The following MACF1 variants were observed in gnomAD, a reference collection of about 807,000 sequenced individuals.
MACF1 encodes the protein microtubule actin crosslinking factor 1.
Under a neutral mutation model 854.8 loss-of-function variants are expected in MACF1, and 193 were observed. The ratio of observed to expected loss-of-function variants is 0.23; its 90% CI spans 0.20 to 0.25. MACF1 has a LOEUF of 0.25. MACF1 is among the 10% of genes least tolerant of loss of function. MACF1 has a pLI of 1.00. For synonymous variants in MACF1, 3,185 were observed against 3,226.7 expected, an observed-to-expected ratio of 0.99 and a Z score of 0.44; for missense variants, 7,722 against 8,929.1, an observed-to-expected ratio of 0.86 and a Z score of 5.45.
chr1:39,399,164 G>A (rs1040987545), intron 58 of MACF1, among the ~76,000 whole-genome samples: 9 of 152,006 alleles, frequency 5.9e-5, no homozygotes, highest in African/African-American at 2.2e-4. Flanking sequence ...AAAGCAATTC[G>A]AAGGCCATCT....
At chr1:39,195,406 CA>C (rs1300300694) in intron 2 of MACF1, among the ~76,000 whole-genome samples, 1 of 152,188 alleles carries the variant, frequency 6.6e-6, no homozygotes, top group African/African-American at 2.4e-5. Flanking sequence ...GCTCATTCCA[CA>C]AATAGTTATT....
intron 86 of MACF1, 37 bp from the exon 87 acceptor site, chr1:39,452,647 A>C: frequency 6.2e-7 from 1 of 1,611,516 alleles, no homozygotes; most frequent in Non-Finnish European, 8.5e-7. Context: ...CCTTGGCTGC[A>C]GAGAGAGGTT....
rs866478759 is a variant in MACF1 at position 39,105,434 on chromosome 1, C to G, written c.220+20996C>G. On this transcript the variant is annotated intron_variant, in intron 2 of 93. Coordinates refer to the MACF1 transcript ENST00000361689. The surrounding 1 kb of genome is among the most constrained non-coding windows in gnomAD (Gnocchi z 5.9). ...CGGGACCGGCGGAGCGCGAGCGGGC[C>G]GGGTGCGAGCGGACTGAGGAGCGGA... 2.8e-4 allele frequency: 278 copies of G among 992,400 alleles called. 2 individuals are homozygous for G. Among genetic ancestry groups the G allele is most frequent in the Middle Eastern group, 1.0e-3 (2 of 1,962 alleles). 61.5% of individuals were successfully genotyped at this position (992,400 alleles called of 1,614,324 possible).
intron 21 of MACF1, chr1:39,299,196 C>G: frequency 2.2e-6 from 1 of 456,102 alleles, no homozygotes; most frequent in Admixed American, 2.3e-5. Flanking sequence ...TTCCATTCCT[C>G]TTTCTTAACT....
Position 39,430,800 on chromosome 1 carries a change from A to C in MACF1, c.17229A>C (p.Glu5743Asp). Residue 5743 changes from glutamate (E) to aspartate (D), a missense_variant, in exon 66 of 101, where the codon GAA becomes GAC. This residue lies in a region of MACF1 where 2,807 missense variants were observed against 3,235.8 expected (regional missense o/e 0.87). Transcript: ENST00000564288. ...LLELVPWRAR[E>D]GLDKLVSDAN... ...AGCTGGTGCCCTGGAGAGCCAGAGA[A>C]GGGCTGGATAAACTTGTGTCCGATG... 6.2e-7 allele frequency: 1 copy of C among 1,612,614 alleles called. No individual in the cohort carries two copies. Among genetic ancestry groups the C allele is most frequent in the Non-Finnish European group, 8.5e-7 (1 of 1,180,008 alleles).
Position 39,241,374 on chromosome 1 carries a change from A to G in MACF1, c.172-8640A>G, listed in dbSNP as rs539891066. ...CAAGTTTTCGGCAGGTGTCAATACT[A>G]CGAGGCCAGGCATGGTGGCTCACGC... is the stretch of plus-strand genomic sequence containing the variant. On this transcript the variant is annotated intron_variant, in intron 2 of 100. Transcript: ENST00000564288. Among the ~76,000 whole-genome samples the G allele has an allele frequency of 2.0e-3, 305 of 152,148 alleles. 2 individuals are homozygous for G. The highest frequency in any genetic ancestry group is 7.1e-3 in the African/African-American group (295 of 41,528).
At chr1:39,464,888 T>A (rs1333595995) in intron 94 of MACF1, 9 of 516,056 alleles carry the variant, frequency 1.7e-5, no homozygotes, top group Non-Finnish European at 3.1e-5. Context: ...CACTCCAGCC[T>A]GGGCAACAGA....
intron 2 of MACF1, among the ~76,000 whole-genome samples, chr1:39,151,856 G>A (rs958862076): frequency 6.6e-6 from 1 of 152,194 alleles, no homozygotes; most frequent in South Asian, 2.1e-4. Context: ...ATTTGGCACA[G>A]GGTAGTGAAT....
In MACF1 at chr1:39,413,668, G is replaced by C. The variant is rs141110458; in HGVS notation, c.15817-8706G>C. The C allele has an allele frequency of 1.8e-3, 2,808 of 1,564,330 alleles. 23 individuals carry two copies. Among genetic ancestry groups the C allele is most frequent in the Middle Eastern group, 4.5e-3 (20 of 4,444 alleles). Reference sequence around the variant, plus strand: ...CCCAGAGGAGCCCGCCTCCCCAGCTGCTGCAGTGCCCACCCCAGAGGAGCC... The same window carrying C: ...CCCAGAGGAGCCCGCCTCCCCAGCTCCTGCAGTGCCCACCCCAGAGGAGCC... On this transcript the variant is annotated intron_variant, in intron 58 of 100. Coordinates refer to ENST00000564288, the MANE Select transcript of MACF1 (RefSeq NM_001394062.1).
rs1233847298 is a variant in MACF1, at chr1:39,438,025, A to G, written c.18220+17A>G. ...CTGCAAAAGGTGCTTGATGATTGTC[A>G]TTATTTTTAAAAATCAACAGAATAA... On this transcript the variant is annotated intron_variant, in intron 71 of 100. Transcript: ENST00000564288. The G allele has an allele frequency of 1.2e-6, 2 of 1,603,638 alleles. No homozygotes were observed. The highest frequency in any genetic ancestry group is 1.7e-5 in the Admixed American group (1 of 59,344).
At chr1:39,168,097 A>G (rs1052599069) in intron 2 of MACF1, among the ~76,000 whole-genome samples, 23 of 152,138 alleles carry the variant, frequency 1.5e-4, no homozygotes, top group Non-Finnish European at 2.6e-4. Flanking sequence ...CAAGGTGTCT[A>G]TCAGTGATAA....
chr1:39,270,346 A>G (rs1645292774), intron 6 of MACF1, among the ~76,000 whole-genome samples: 1 of 152,042 alleles, frequency 6.6e-6, no homozygotes, highest in South Asian at 2.1e-4. Context: ...AGAGAGAGAG[A>G]GGGAGGTTAG....
intron 2 of MACF1, among the ~76,000 whole-genome samples, chr1:39,135,675 A>G (rs547243710): frequency 2.6e-5 from 4 of 152,254 alleles, no homozygotes; most frequent in East Asian, 1.9e-4. Flanking sequence ...TGCAAGACCT[A>G]TTTTGATAGG....
At chr1:39,469,707 ATC>A in intron 97 of MACF1, 92 bp downstream of exon 97, 1 of 992,750 alleles carries the variant, frequency 1.0e-6, no homozygotes, top group Non-Finnish European at 1.6e-6. Flanking sequence ...GGTTCTGTGT[ATC>A]TGCTGCATTC....
Position 39,137,250 on chromosome 1 carries a change from G to A in MACF1, c.220+52812G>A, listed in dbSNP as rs185603095. Reference sequence around the variant, plus strand: ...ACGCCTGGCTGATTTTTGTATTTTTGTTAGAAACAGGGTTTTGCCATGTTG... The same window carrying A: ...ACGCCTGGCTGATTTTTGTATTTTTATTAGAAACAGGGTTTTGCCATGTTG... On this transcript the variant is annotated intron_variant, in intron 2 of 93. Coordinates refer to the MACF1 transcript ENST00000361689. Among the ~76,000 whole-genome samples the A allele has an allele frequency of 2.0e-3, 304 of 152,194 alleles. 2 individuals carry two copies. The highest frequency in any genetic ancestry group is 7.1e-3 in the African/African-American group (294 of 41,548).
rs772838086 is a variant in MACF1, at chr1:39,458,352, A to G, written c.21076-18A>G. 8.7e-6 allele frequency: 14 copies of G among 1,609,462 alleles called. No homozygotes were observed. In the South Asian group the frequency reaches 1.1e-4, roughly 13 times the overall value. On this transcript the variant is annotated intron_variant, in intron 89 of 100. Transcript: ENST00000564288. ...AATACAATATTTAACTCTTTTTCCT[A>G]TTTTTTGTGTTTAACAGACATTTAT...
chr1:39,087,961 T>C (rs992770844), intron 2 of MACF1, among the ~76,000 whole-genome samples: 13 of 149,386 alleles, frequency 8.7e-5, no homozygotes, highest in African/African-American at 3.2e-4. Flanking sequence ...TTAGTAGAGA[T>C]GGGGTTTCTT....
At chr1:39,132,256 C>T (rs536283009) in intron 2 of MACF1, among the ~76,000 whole-genome samples, 1 of 152,192 alleles carries the variant, frequency 6.6e-6, no homozygotes, top group African/African-American at 2.4e-5. Context: ...TGTACCTACA[C>T]CCAGTCACAA....
At chr1:39,415,652 C>T (rs1005959186) in intron 58 of MACF1, among the ~76,000 whole-genome samples, 17 of 151,866 alleles carry the variant, frequency 1.1e-4, no homozygotes, top group Non-Finnish European at 2.5e-4. Flanking sequence ...TGAGCCACCG[C>T]GCCCAGCCGG....
Sources: gnomAD v4.1 joint callset for allele counts (sites outside exome capture counted in the v4.1 genomes callset) on GRCh38, gnomAD v4.1.1 for gene constraint, gnomAD v4.1.1 regional missense constraint, Gnocchi (gnomAD v3.1) non-coding constraint, MANE v1.5 for transcripts, NCBI Gene and HGNC (gene_info 2026-07-23, HGNC 2026-07-21) for gene names.